The following PYY variants were observed in gnomAD, a reference collection of about 807,000 sequenced individuals.
PYY encodes peptide YY.
A neutral mutation model predicts 10.3 loss-of-function variants in PYY; 12 were observed. The observed-to-expected ratio is 1.17, with a 90% CI of 0.75 to 1.89. The LOEUF is 1.89. Ranked by LOEUF, PYY falls within the 40% of genes most tolerant of loss-of-function variation. PYY has a pLI of 0.00. For missense variants in PYY, 141 were observed against 134.0 expected (o/e 1.05, Z -0.26); for synonymous variants, 66 against 62.0 (o/e 1.06, Z -0.30).
At chr17:43,984,361 C>T (rs1028269781) in intron 1 of PYY, among the ~76,000 whole-genome samples, 5 of 152,226 alleles carry the variant, frequency 3.3e-5, no homozygotes, top group Admixed American at 2.0e-4. Flanking sequence ...GAGCAGGAGG[C>T]TCCTCGGGAA....
intron 1 of PYY, among the ~76,000 whole-genome samples, chr17:43,997,395 C>T (rs72822632): frequency 0.013 from 1,960 of 152,074 alleles, 9 homozygotes; most frequent in South Asian, 0.034. Flanking sequence ...ATGGAGGTTA[C>T]CATGGGGATA....
chr17:43,982,812 G>A (rs1015911540), intron 1 of PYY, among the ~76,000 whole-genome samples: 2 of 152,214 alleles, frequency 1.3e-5, no homozygotes, highest in African/African-American at 4.8e-5. Context: ...GCTGGGGACA[G>A]CTGCTCATTT....
intron 1 of PYY, among the ~76,000 whole-genome samples, chr17:43,984,016 C>T (rs999981682): frequency 2.6e-5 from 4 of 152,228 alleles, no homozygotes; most frequent in African/African-American, 9.6e-5. Flanking sequence ...GCCGGAACCA[C>T]GGCCGCGCCG....
intron 1 of PYY, among the ~76,000 whole-genome samples, chr17:44,004,004 T>TA (rs2049051123): frequency 6.6e-6 from 1 of 151,846 alleles, no homozygotes; most frequent in Admixed American, 6.6e-5. Flanking sequence ...AAAACCAAAA[T>TA]AAAAAACTCT....
At chr17:44,000,438 A>G (rs892083602) in intron 1 of PYY, among the ~76,000 whole-genome samples, 2 of 151,714 alleles carry the variant, frequency 1.3e-5, no homozygotes, top group Non-Finnish European at 2.9e-5. Flanking sequence ...GGGTGTGTCA[A>G]AGTGTCCTGT....
At chr17:43,956,004 C>T (rs1399588769), upstream of PYY, among the ~76,000 whole-genome samples, 3 of 151,950 alleles carry the variant, frequency 2.0e-5, no homozygotes, top group African/African-American at 7.3e-5. Flanking sequence ...TCTAGTGCAC[C>T]GATTCTGGAC....
chr17:43,982,790 G>A (rs574254937), intron 1 of PYY, among the ~76,000 whole-genome samples: 6 of 152,262 alleles, frequency 3.9e-5, no homozygotes, highest in East Asian at 1.9e-4. Context: ...TGTGTTCAAC[G>A]GGCTGCTCCA....
At position 44,002,698 on chromosome 17, in the gene PYY, C is replaced by A. The variant is rs540998663; in HGVS notation, c.-463+1693G>T. On this transcript the variant is annotated intron_variant, in intron 1 of 6. Coordinates refer to the PYY transcript ENST00000360085. ...AGAACTGCTTCCTAGACCAGCTCCA[C>A]GGCTTGTGAGCTGAGTGACCCTGAT... 5.9e-5 allele frequency among the ~76,000 whole-genome samples: 9 copies of A among 152,360 alleles called. 1 individual carries two copies. Among genetic ancestry groups the A allele is most frequent in the Middle Eastern group, 3.4e-3 (1 of 294 alleles).
chr17:43,975,070 T>C (rs1049732129), intron 1 of PYY, among the ~76,000 whole-genome samples: 1 of 152,124 alleles, frequency 6.6e-6, no homozygotes, highest in East Asian at 1.9e-4. Context: ...CATCACCCCA[T>C]GTCTGCAGGA....
At chr17:43,991,835 A>G (rs2048958669) in intron 1 of PYY, among the ~76,000 whole-genome samples, 1 of 151,852 alleles carries the variant, frequency 6.6e-6, no homozygotes, top group Admixed American at 6.6e-5. Flanking sequence ...AGAAAAAAAA[A>G]AAAGGCCGGG....
At chr17:43,969,247 G>A (rs1008193319) in intron 1 of PYY, among the ~76,000 whole-genome samples, 2 of 151,884 alleles carry the variant, frequency 1.3e-5, no homozygotes, top group African/African-American at 4.8e-5. Flanking sequence ...CAGGTGCAGT[G>A]GCTCACACCT....
rs12451443 is a variant in PYY at position 43,977,928 on chromosome 17, G to A, written c.-462-11396C>T. Among the ~76,000 whole-genome samples the A allele has an allele frequency of 4.4e-3, 676 of 152,240 alleles. 5 individuals carry two copies. Among genetic ancestry groups the A allele is most frequent in the African/African-American group, 0.015 (622 of 41,544 alleles). On this transcript the variant is annotated intron_variant, in intron 1 of 6. Transcript: ENST00000360085. The stretch of plus-strand genomic sequence containing the variant: ...ATCAAAGTGAATCTTGGCCGGGCAC[G>A]GTGGCTCACACCTGTAATCCCAGCA...
chr17:43,963,626 GAGAA>G (rs1555617150), intron 2 of PYY, among the ~76,000 whole-genome samples: 8 of 82,106 alleles, frequency 9.7e-5, no homozygotes, highest in Admixed American at 1.4e-4. Flanking sequence ...AAGAAAGAAA[GAGAA>G]AGAAAGAAAA....
intron 1 of PYY, among the ~76,000 whole-genome samples, chr17:43,988,769 C>CTTT (rs11336147): frequency 7.3e-6 from 1 of 137,218 alleles, no homozygotes; most frequent in African/African-American, 2.7e-5. Context: ...TTCTTTCTGT[C>CTTT]TTTTTTTTTT....
At chr17:43,966,687 C>T (rs1395189826) in intron 1 of PYY, among the ~76,000 whole-genome samples, 1 of 152,222 alleles carries the variant, frequency 6.6e-6, no homozygotes, top group Non-Finnish European at 1.5e-5. Context: ...GCACTTAGCA[C>T]TTTCTAGCAT....
At chr17:43,992,109 G>C (rs991367008) in intron 1 of PYY, among the ~76,000 whole-genome samples, 2 of 111,554 alleles carry the variant, frequency 1.8e-5, no homozygotes, top group African/African-American at 6.8e-5. Context: ...AACAGTGCAA[G>C]ACTCTGTCTC....
intron 1 of PYY, among the ~76,000 whole-genome samples, chr17:43,992,664 G>A (rs981014611): frequency 1.3e-5 from 2 of 151,856 alleles, no homozygotes; most frequent in Non-Finnish European, 2.9e-5. Flanking sequence ...CTGAGATCAC[G>A]CCATTGCACT....
chr17:43,965,429 C>T (rs1218892115), intron 2 of PYY, among the ~76,000 whole-genome samples: 2 of 149,580 alleles, frequency 1.3e-5, no homozygotes, highest in Admixed American at 1.3e-4. Flanking sequence ...TGCAGTGAGC[C>T]GAGATCATGC....
At chr17:43,974,554 C>T (rs957212717) in intron 1 of PYY, among the ~76,000 whole-genome samples, 10 of 152,086 alleles carry the variant, frequency 6.6e-5, no homozygotes, top group African/African-American at 2.4e-4. Context: ...TAAAAGTGCC[C>T]GTAAAGGGTT....
Sources: allele counts gnomAD v4.1 joint callset (sites outside exome capture counted in the v4.1 genomes callset), GRCh38; gene constraint gnomAD v4.1.1; transcripts MANE v1.5; gene names NCBI Gene and HGNC (gene_info 2026-07-23, HGNC 2026-07-21).